Variants in AHI1 observed in about 807,000 individuals in gnomAD.
AHI1 encodes Abelson helper integration site 1.
AHI1 carries 123 observed loss-of-function variants against 149.3 expected under a neutral mutation model. The observed-to-expected ratio is 0.82, with a 90% CI of 0.71 to 0.96. The LOEUF (loss-of-function observed/expected upper bound fraction) is 0.96. AHI1 is among the 40% of genes least tolerant of loss of function. The probability of loss-of-function intolerance (pLI) is 0.00; values close to 1 mark genes in which losing one functional copy is unlikely to be tolerated. For synonymous variants in AHI1, 475 were observed against 459.8 expected (o/e 1.03, Z -0.42); for missense variants, 1,439 against 1,422.7 (o/e 1.01, Z -0.18).
rs1161515506 is a variant in AHI1 at position 135,318,357 on chromosome 6, CTA to C, written c.3426+160_3426+161del. On this transcript the variant is annotated intron_variant, in intron 26 of 28. Transcript: ENST00000265602. ...CTCAGTTTCCTTATCTGGAAAATGG[CTA>C]TAACGTTTGCCTTATGTATTTCATA... 1.4e-5 allele frequency: 8 copies of C among 592,068 alleles called. No homozygotes were observed. In the East Asian group the frequency reaches 2.3e-4, roughly 17 times the overall value. 36.7% of individuals were successfully genotyped at this position (592,068 alleles called of 1,614,324 possible).
chr6:135,405,503 A>T (rs1015922624), intron 21 of AHI1, among the ~76,000 whole-genome samples: 2 of 152,168 alleles, frequency 1.3e-5, no homozygotes, highest in Non-Finnish European at 2.9e-5. Context: ...TTTGAAAGAG[A>T]AACTAGTAAA....
intron 23 of AHI1, among the ~76,000 whole-genome samples, chr6:135,391,393 T>G (rs1778463402): frequency 6.6e-6 from 1 of 152,082 alleles, no homozygotes; most frequent in Admixed American, 6.6e-5. Flanking sequence ...AGGCATTAGA[T>G]TCTCATAAGG....
In AHI1 at chr6:135,296,791, T is replaced by G. The variant is rs532001795; in HGVS notation, c.3485+3709A>C. On this transcript the variant is annotated intron_variant, in intron 27 of 28. Transcript: ENST00000265602. ...AGGTAAATAAAATGTTAGCTCCTTATAGCAGGGATTTTTTATCTGTTTACT... is the reference window on the plus strand; with the variant it reads ...AGGTAAATAAAATGTTAGCTCCTTAGAGCAGGGATTTTTTATCTGTTTACT... 2.0e-5 allele frequency among the ~76,000 whole-genome samples: 3 copies of G among 152,370 alleles called. No homozygotes were observed. In the East Asian group the frequency reaches 5.8e-4, roughly 29 times the overall value.
intron 24 of AHI1, among the ~76,000 whole-genome samples, chr6:135,351,856 C>T (rs554677703): frequency 3.3e-5 from 5 of 152,298 alleles, no homozygotes; most frequent in Admixed American, 3.3e-4. Context: ...AAGACTGGAC[C>T]TGCGCCTCCT....
chr6:135,354,480 T>C (rs1471180537), intron 24 of AHI1, among the ~76,000 whole-genome samples: 1 of 152,198 alleles, frequency 6.6e-6, no homozygotes, highest in African/African-American at 2.4e-5. Context: ...AAGGTAGATA[T>C]GTTTTAACTA....
intron 22 of AHI1, among the ~76,000 whole-genome samples, chr6:135,397,814 C>T (rs982409249): frequency 1.8e-4 from 28 of 152,154 alleles, no homozygotes; most frequent in African/African-American, 6.7e-4. Context: ...AGATAACACG[C>T]TACATTCACC....
intron 26 of AHI1, chr6:135,301,843 T>C (rs1783919549): frequency 7.1e-6 from 7 of 985,436 alleles, no homozygotes; most frequent in Non-Finnish European, 8.4e-6. Context: ...CAACTACTAA[T>C]TCAGACTGCC....
intron 11 of AHI1, among the ~76,000 whole-genome samples, chr6:135,449,825 C>T (rs1787823803): frequency 6.6e-6 from 1 of 152,184 alleles, no homozygotes; most frequent in Non-Finnish European, 1.5e-5. Flanking sequence ...TGAAGTATGG[C>T]TAGCACAAAT....
At chr6:135,443,515 G>A (rs1008678723) in intron 13 of AHI1, among the ~76,000 whole-genome samples, 5 of 152,234 alleles carry the variant, frequency 3.3e-5, no homozygotes, top group Middle Eastern at 3.4e-3. Flanking sequence ...GCCACCCTAT[G>A]AGTAGCTATT....
At chr6:135,393,483 T>C (rs1431020209) in intron 23 of AHI1, among the ~76,000 whole-genome samples, 1 of 152,008 alleles carries the variant, frequency 6.6e-6, no homozygotes, top group Non-Finnish European at 1.5e-5. Flanking sequence ...GTTATAAGAA[T>C]GACAAGGTCT....
chr6:135,469,917 A>G (rs909533811), intron 5 of AHI1, among the ~76,000 whole-genome samples: 2 of 152,210 alleles, frequency 1.3e-5, no homozygotes, highest in African/African-American at 2.4e-5. Context: ...CAAAGATTTC[A>G]TAACAAAAAT....
intron 24 of AHI1, among the ~76,000 whole-genome samples, chr6:135,344,710 CTT>C (rs567126958): frequency 2.1e-5 from 3 of 144,970 alleles, no homozygotes; most frequent in African/African-American, 7.6e-5. Flanking sequence ...CTTTCTCTCT[CTT>C]TCTTTCCTTT....
chr6:135,338,362 G>A (rs1386489978), intron 24 of AHI1, among the ~76,000 whole-genome samples: 1 of 151,324 alleles, frequency 6.6e-6, no homozygotes, highest in Non-Finnish European at 1.5e-5. Context: ...TAGCACGTTA[G>A]CATATAATTC....
At chr6:135,331,478 C>A (rs1193228252) in intron 24 of AHI1, among the ~76,000 whole-genome samples, 2 of 152,090 alleles carry the variant, frequency 1.3e-5, no homozygotes, top group Non-Finnish European at 2.9e-5. Flanking sequence ...CAGAGTCTGC[C>A]AGGCTGTTGT....
chr6:135,462,211 T>C (rs142663449), intron 8 of AHI1, among the ~76,000 whole-genome samples: 2,035 of 152,076 alleles, frequency 0.013, 85 homozygotes, highest in African/African-American at 0.047. Context: ...GAATAAGTAC[T>C]ATAAAATCTA....
Position 135,427,300 on chromosome 6 carries a change from T to G in AHI1, c.2631A>C (p.Gln877His). 1 of 1,608,418 alleles carries G rather than the reference T, an allele frequency of 6.2e-7. No individual in the cohort carries two copies. The highest frequency in any genetic ancestry group is 8.5e-7 in the Non-Finnish European group (1 of 1,176,492). ...VYVWNPETGE[Q>H]VAMYSDLPFK... ...ATGGCAAGTCAGAATACATGGCTACTTGTTCTCCTAAATAAAAAGAGAGAT... is the reference window on the plus strand; with the variant it reads ...ATGGCAAGTCAGAATACATGGCTACGTGTTCTCCTAAATAAAAAGAGAGAT... Residue 877 changes from glutamine (Q) to histidine (H), a missense_variant, in exon 20 of 29, where the codon CAA (glutamine) becomes CAC (histidine). By Grantham distance (24) the Gln-to-His change is conservative (BLOSUM62 0). Transcript: ENST00000265602.
intron 5 of AHI1, among the ~76,000 whole-genome samples, chr6:135,483,206 GCTT>G (rs1793988083): frequency 6.6e-6 from 1 of 151,788 alleles, no homozygotes; most frequent in Non-Finnish European, 1.5e-5. Flanking sequence ...CCCATTTAAG[GCTT>G]TTTAAATTTA....
chr6:135,298,414 G>C (rs1337358767), intron 27 of AHI1, among the ~76,000 whole-genome samples: 1 of 151,110 alleles, frequency 6.6e-6, no homozygotes, highest in Non-Finnish European at 1.5e-5. Flanking sequence ...TACATATATT[G>C]GTCAACCAAC....
At position 135,427,167 on chromosome 6, in the gene AHI1, C is replaced by A; in HGVS notation, c.2764G>T (p.Val922Phe). 6.2e-7 allele frequency: 1 copy of A among 1,608,654 alleles called. No individual in the cohort carries two copies. Among genetic ancestry groups the A allele is most frequent in the South Asian group, 1.1e-5 (1 of 90,578 alleles). Residue 922 changes from valine to phenylalanine, a missense_variant and splice_region_variant, in exon 20 of 29, where the codon GTT becomes TTT. Transcript: ENST00000265602. ...TTTACTTATCAAGTGGTAGACTTAC[C>A]ATGGAAATCGTAAATATACAGAAGA... ...PILLYIYDFHVAQQEAEMFKR... is the reference protein window; with the variant it reads ...PILLYIYDFHFAQQEAEMFKR...
Sources: gnomAD v4.1 joint callset for allele counts (sites outside exome capture counted in the v4.1 genomes callset) on GRCh38, gnomAD v4.1.1 for gene constraint, MANE v1.5 for transcripts, NCBI Gene and HGNC (gene_info 2026-07-23, HGNC 2026-07-21) for gene names.